ROBO2: variants seen among roughly 807,000 people sequenced by gnomAD.
The protein encoded by ROBO2 is roundabout guidance receptor 2, also known as roundabout homolog 2.
Under a neutral mutation model 160.8 loss-of-function variants are expected in ROBO2, and 53 were observed. The ratio of observed to expected loss-of-function variants is 0.33; its 90% CI spans 0.26 to 0.41. The LOEUF (loss-of-function observed/expected upper bound fraction) is 0.41. Among genes scored for constraint, ROBO2 ranks in the 10% least tolerant of loss-of-function variants. ROBO2 has a pLI of 1.00. For synonymous variants in ROBO2, 664 were observed against 611.7 expected, an observed-to-expected ratio of 1.09 and a Z score of -1.26; for missense variants, 1,577 against 1,722.4, an observed-to-expected ratio of 0.92 and a Z score of 1.49.
chr3:76,758,082 C>T (rs551382507), intron 2 of ROBO2, among the ~76,000 whole-genome samples: 16 of 151,742 alleles, frequency 1.1e-4, no homozygotes, highest in African/African-American at 3.4e-4. Context: ...TCATTAAAGG[C>T]AGTTTAGGAA....
chr3:76,599,534 G>T (rs2086973544), intron 2 of ROBO2, among the ~76,000 whole-genome samples: 1 of 152,096 alleles, frequency 6.6e-6, no homozygotes, highest in African/African-American at 2.4e-5. Context: ...CTTTATGACA[G>T]AAAGACTTAT....
intron 2 of ROBO2, among the ~76,000 whole-genome samples, chr3:76,488,018 A>G (rs1282514278): frequency 6.6e-6 from 1 of 152,198 alleles, no homozygotes; most frequent in Non-Finnish European, 1.5e-5. Context: ...GTCTCAGACC[A>G]CACTCACACT....
At chr3:76,724,565 G>A (rs2107758640) in intron 2 of ROBO2, among the ~76,000 whole-genome samples, 1 of 152,212 alleles carries the variant, frequency 6.6e-6, no homozygotes, top group Admixed American at 6.5e-5. Flanking sequence ...CATTTCCCCA[G>A]CACTGTTTTC....
At chr3:77,506,155 G>A (rs927895730) in intron 5 of ROBO2, among the ~76,000 whole-genome samples, 6 of 152,162 alleles carry the variant, frequency 3.9e-5, no homozygotes, top group East Asian at 1.9e-4. Context: ...GACCCAGGAC[G>A]CCCTTCATTC....
chr3:76,519,866 T>A (rs2081514312), intron 2 of ROBO2, among the ~76,000 whole-genome samples: 1 of 152,140 alleles, frequency 6.6e-6, no homozygotes, highest in African/African-American at 2.4e-5. Context: ...GATGCATTGA[T>A]ACACTTGACA....
intron 2 of ROBO2, among the ~76,000 whole-genome samples, chr3:76,983,338 C>T (rs1415315527): frequency 6.6e-6 from 1 of 151,980 alleles, no homozygotes; most frequent in African/African-American, 2.4e-5. Flanking sequence ...AGAAAATAAG[C>T]ACTACTAGTT....
chr3:76,480,416 C>T (rs1352966098), intron 2 of ROBO2, among the ~76,000 whole-genome samples: 1 of 152,114 alleles, frequency 6.6e-6, no homozygotes, highest in African/African-American at 2.4e-5. Flanking sequence ...CTAAGGAGAA[C>T]ACTGTCATAT....
intron 1 of ROBO2, among the ~76,000 whole-genome samples, chr3:77,084,395 T>C (rs1332965637): frequency 1.3e-5 from 2 of 152,172 alleles, no homozygotes; most frequent in African/African-American, 4.8e-5. Flanking sequence ...GAATATTTTA[T>C]GGTAAAGGCA....
intron 2 of ROBO2, among the ~76,000 whole-genome samples, chr3:77,003,443 AG>A (rs1339464455): frequency 6.6e-6 from 1 of 152,228 alleles, no homozygotes; most frequent in African/African-American, 2.4e-5. Flanking sequence ...GCTCAACACA[AG>A]AACAATTATA....
At chr3:77,321,774 C>T (rs545926704) in intron 2 of ROBO2, among the ~76,000 whole-genome samples, 3 of 151,974 alleles carry the variant, frequency 2.0e-5, no homozygotes, top group South Asian at 2.1e-4. Context: ...GACGGGCAAG[C>T]GGCAAGTGAA....
intron 2 of ROBO2, among the ~76,000 whole-genome samples, chr3:76,250,266 G>A (rs767224573): frequency 5.3e-5 from 8 of 151,952 alleles, no homozygotes; most frequent in Non-Finnish European, 1.2e-4. Flanking sequence ...ATCACATATC[G>A]GAATGTAAAT....
chr3:76,834,173 C>CTTTCTTTCTTTCTTTCTTTCTTTCTT (rs1235221607), intron 2 of ROBO2, among the ~76,000 whole-genome samples: 1 of 134,592 alleles, frequency 7.4e-6, no homozygotes, highest in African/African-American at 2.8e-5. Flanking sequence ...TTCTTTCTTT[C>CTTTCTTTCTTTCTTTCTTTCTTTCTT]TCTCTCTCTC....
chr3:76,965,011 C>T (rs1259875504), intron 2 of ROBO2, among the ~76,000 whole-genome samples: 1 of 152,198 alleles, frequency 6.6e-6, no homozygotes, highest in African/African-American at 2.4e-5. Flanking sequence ...ATTTTGAGCT[C>T]CTTTCTTTTG....
chr3:77,211,631 A>G (rs1277978160), intron 2 of ROBO2, among the ~76,000 whole-genome samples: 12 of 152,152 alleles, frequency 7.9e-5, no homozygotes, highest in Non-Finnish European at 1.6e-4. Context: ...TTGGTGTTTT[A>G]GACATGAAGT....
At chr3:76,345,753 C>T (rs537116007) in intron 2 of ROBO2, among the ~76,000 whole-genome samples, 3 of 151,762 alleles carry the variant, frequency 2.0e-5, no homozygotes, top group African/African-American at 7.3e-5. Flanking sequence ...GGTTTTCAGT[C>T]CTCCTGTTTA....
chr3:76,346,737 C>T (rs2074555215), intron 2 of ROBO2, among the ~76,000 whole-genome samples: 5 of 152,156 alleles, frequency 3.3e-5, no homozygotes, highest in Admixed American at 2.6e-4. Context: ...ATTTAGCCTA[C>T]ATTTTACATC....
intron 2 of ROBO2, among the ~76,000 whole-genome samples, chr3:76,661,602 C>T (rs1012822198): frequency 6.6e-6 from 1 of 152,056 alleles, no homozygotes; most frequent in African/African-American, 2.4e-5. Flanking sequence ...GAATACAGGT[C>T]ATAGGTGGAC....
intron 2 of ROBO2, among the ~76,000 whole-genome samples, chr3:76,803,649 C>T (rs1294401504): frequency 6.6e-6 from 1 of 152,138 alleles, no homozygotes; most frequent in African/African-American, 2.4e-5. Context: ...TTCAGGATTA[C>T]TCACTTGTTA....
At position 77,557,926 on chromosome 3, in the gene ROBO2, A is replaced by G. The variant is rs1559608290; in HGVS notation, c.1232-18A>G. On this transcript the variant is annotated intron_variant, in intron 8 of 25. Transcript: ENST00000461745. The stretch of plus-strand genomic sequence containing the variant: ...CTACATTGATGTTAAAATACCTGAA[A>G]AGAGCTTTATTCTTCAGTTTTGACA... The G allele has an allele frequency of 9.9e-6, 16 of 1,608,046 alleles. No homozygotes were observed. The highest frequency in any genetic ancestry group is 1.3e-5 in the African/African-American group (1 of 74,880).
Sources: allele counts gnomAD v4.1 joint callset (sites outside exome capture counted in the v4.1 genomes callset), GRCh38; gene constraint gnomAD v4.1.1; transcripts MANE v1.5; gene names NCBI Gene and HGNC (gene_info 2026-07-23, HGNC 2026-07-21).